The following LRP1B variants were observed in gnomAD, a reference collection of about 807,000 sequenced individuals.
LRP1B encodes the protein LDL receptor related protein 1B, also known as low-density lipoprotein receptor-related protein 1B.
LRP1B carries 217 observed loss-of-function variants against 556.6 expected under a neutral mutation model. That is an observed-to-expected ratio of 0.39 (90% CI 0.35 to 0.44). The LOEUF is 0.44. LRP1B is among the 20% of genes least tolerant of loss of function. The pLI is 1.00. For missense variants in LRP1B, 5,053 were observed against 5,620.8 expected, an observed-to-expected ratio of 0.90 and a Z score of 3.23; for synonymous variants, 2,047 against 1,865.8, an observed-to-expected ratio of 1.10 and a Z score of -2.50.
intron 1 of LRP1B, among the ~76,000 whole-genome samples, chr2:141,885,675 T>C (rs911368208): frequency 6.6e-6 from 1 of 152,174 alleles, no homozygotes; most frequent in African/African-American, 2.4e-5. Flanking sequence ...TGAACACATA[T>C]AGGTACAGTG....
In LRP1B at chr2:142,008,518, C is replaced by CT. The variant is rs1206192277; in HGVS notation, c.82+122129dup. Reference sequence around the variant, plus strand: ...CAGAGGTCATATTAAGACATGGTGACTTTTTTTTTTTTTTTAACTTTCTTT... The same window carrying CT: ...CAGAGGTCATATTAAGACATGGTGACTTTTTTTTTTTTTTTTAACTTTCTTT... On this transcript the variant is annotated intron_variant, in intron 1 of 90. Coordinates refer to ENST00000389484, the MANE Select transcript of LRP1B (RefSeq NM_018557.3). 9.8e-3 allele frequency among the ~76,000 whole-genome samples: 1,367 copies of CT among 138,968 alleles called. 15 individuals carry two copies. The highest frequency in any genetic ancestry group is 0.027 in the African/African-American group (1,021 of 38,166). The allele number at this position is 138,968 out of a possible 152,430, so 91.2% of individuals were successfully genotyped here. A position where few individuals can be genotyped will look rare whatever the true frequency, so the allele number is the denominator to read the frequency against.
chr2:141,869,510 C>T (rs779347885), intron 1 of LRP1B, among the ~76,000 whole-genome samples: 4 of 151,948 alleles, frequency 2.6e-5, no homozygotes, highest in African/African-American at 9.7e-5. Flanking sequence ...AGCATAGATT[C>T]GAACCTAGGA....
chr2:141,026,879 G>A (rs1013398252), intron 11 of LRP1B, among the ~76,000 whole-genome samples: 8 of 152,188 alleles, frequency 5.3e-5, no homozygotes, highest in Middle Eastern at 3.4e-3. Context: ...AGTTTAACTT[G>A]TACATCTACA....
At chr2:140,887,823 A>G (rs1378868986) in intron 23 of LRP1B, among the ~76,000 whole-genome samples, 1 of 152,220 alleles carries the variant, frequency 6.6e-6, no homozygotes, top group Non-Finnish European at 1.5e-5. Context: ...GATTACATTT[A>G]TATGAAATGT....
At chr2:141,927,024 C>T (rs1216754925) in intron 1 of LRP1B, among the ~76,000 whole-genome samples, 2 of 152,120 alleles carry the variant, frequency 1.3e-5, no homozygotes, top group African/African-American at 4.8e-5. Context: ...TTTACTGAAT[C>T]AGAATCATAC....
At chr2:142,025,961 G>A (rs537854084) in intron 1 of LRP1B, among the ~76,000 whole-genome samples, 1 of 152,214 alleles carries the variant, frequency 6.6e-6, no homozygotes, top group South Asian at 2.1e-4. Context: ...TTGCCTGTAA[G>A]CTCACAGAGA....
chr2:140,408,180 C>A (rs976801159), intron 66 of LRP1B, among the ~76,000 whole-genome samples: 3 of 151,446 alleles, frequency 2.0e-5, no homozygotes, highest in African/African-American at 7.3e-5. Flanking sequence ...GATTTACAGG[C>A]GATGTGGGAG....
At chr2:141,823,875 T>C (rs1245101640) in intron 1 of LRP1B, among the ~76,000 whole-genome samples, 1 of 152,202 alleles carries the variant, frequency 6.6e-6, no homozygotes, top group Non-Finnish European at 1.5e-5. Context: ...GATCTCCCTA[T>C]GTTGCCCAGG....
chr2:141,790,245 A>C (rs2105659952), intron 2 of LRP1B, among the ~76,000 whole-genome samples: 1 of 152,052 alleles, frequency 6.6e-6, no homozygotes, highest in South Asian at 2.1e-4. Flanking sequence ...TTACTTAATT[A>C]AAATAAATGT....
intron 2 of LRP1B, among the ~76,000 whole-genome samples, chr2:141,537,038 C>T (rs1361143371): frequency 1.3e-5 from 2 of 151,846 alleles, no homozygotes; most frequent in Non-Finnish European, 2.9e-5. Context: ...CCCTGCTTTT[C>T]AAAGGAAACT....
chr2:142,042,922 T>C (rs568115329), intron 1 of LRP1B, among the ~76,000 whole-genome samples: 28 of 151,436 alleles, frequency 1.8e-4, no homozygotes, highest in African/African-American at 6.3e-4. Flanking sequence ...TTGATTTCTC[T>C]ATGAATTGTG....
intron 1 of LRP1B, among the ~76,000 whole-genome samples, chr2:141,991,369 C>T (rs1002037144): frequency 1.1e-4 from 16 of 152,078 alleles, no homozygotes; most frequent in African/African-American, 2.2e-4. Flanking sequence ...GAAAATTCCA[C>T]GTTTTGTAAT....
At chr2:141,474,393 T>C (rs1261045498) in intron 3 of LRP1B, among the ~76,000 whole-genome samples, 4 of 134,198 alleles carry the variant, frequency 3.0e-5, no homozygotes, top group Admixed American at 2.4e-4. Context: ...GCCTCTAAGT[T>C]CTAAATCACC....
chr2:141,734,604 A>T (rs1022584446), intron 2 of LRP1B, among the ~76,000 whole-genome samples: 3 of 152,010 alleles, frequency 2.0e-5, no homozygotes, highest in East Asian at 1.9e-4. Flanking sequence ...AATGACATTA[A>T]GTTTTCTTTT....
intron 1 of LRP1B, among the ~76,000 whole-genome samples, chr2:141,911,887 G>A (rs1360010483): frequency 6.6e-6 from 1 of 151,996 alleles, no homozygotes; most frequent in Non-Finnish European, 1.5e-5. Flanking sequence ...CTGCCACCTC[G>A]TGGTCATCAA....
At chr2:141,148,250 G>T (rs1335851863) in intron 7 of LRP1B, among the ~76,000 whole-genome samples, 1 of 152,130 alleles carries the variant, frequency 6.6e-6, no homozygotes, top group Non-Finnish European at 1.5e-5. Flanking sequence ...GTCCAATGAG[G>T]TCAGTCTAAT....
At chr2:141,527,217 C>T (rs1052846304) in intron 2 of LRP1B, among the ~76,000 whole-genome samples, 6 of 151,912 alleles carry the variant, frequency 3.9e-5, no homozygotes, top group African/African-American at 1.5e-4. Context: ...CCTATGACAC[C>T]GATGAAGATA....
At position 140,233,291 on chromosome 2, in the gene LRP1B, T is replaced by C. The variant is rs1374232481; in HGVS notation, c.13695A>G (p.Leu4565=). The C allele has an allele frequency of 6.2e-7, 1 of 1,603,800 alleles. No individual in the cohort carries two copies. The highest frequency in any genetic ancestry group is 8.5e-7 in the Non-Finnish European group (1 of 1,173,430). Residue 4565 remains leucine (L), a synonymous_variant, in exon 91 of 91, where the codon TTA becomes TTG. Transcript: ENST00000389484. ...TNYSNPVYAK[L]YMDGQNCRNS... ...TTCGACAGTTTTGCCCATCCATATA[T>C]AATTTTGCATATACCGGATTGGAGT...
chr2:140,508,755 A>G (rs1230896355), intron 52 of LRP1B, among the ~76,000 whole-genome samples: 2 of 152,166 alleles, frequency 1.3e-5, no homozygotes, highest in South Asian at 4.1e-4. Context: ...CTTGAGTACA[A>G]TTTGCTGCAT....
Sources: gnomAD v4.1 joint callset for allele counts (sites outside exome capture counted in the v4.1 genomes callset) on GRCh38, gnomAD v4.1.1 for gene constraint, MANE v1.5 for transcripts, NCBI Gene and HGNC (gene_info 2026-07-23, HGNC 2026-07-21) for gene names.